NDC1: variants seen among roughly 807,000 people sequenced by gnomAD.
NDC1 encodes the protein NDC1 transmembrane nucleoporin.
Under a neutral mutation model 89.8 loss-of-function variants are expected in NDC1, and 24 were observed. The ratio of observed to expected loss-of-function variants is 0.27; its 90% CI spans 0.19 to 0.38. The LOEUF (loss-of-function observed/expected upper bound fraction) is 0.38, where lower values mean the gene tolerates loss of function less well. NDC1 is among the 10% of genes least tolerant of loss of function. The pLI is 1.00. For missense variants in NDC1, 728 were observed against 797.6 expected, an observed-to-expected ratio of 0.91 and a Z score of 1.05; for synonymous variants, 296 against 284.8, an observed-to-expected ratio of 1.04 and a Z score of -0.39.
At chr1:53,791,768 G>C (rs1156628776) in intron 14 of NDC1, among the ~76,000 whole-genome samples, 1 of 152,158 alleles carries the variant, frequency 6.6e-6, no homozygotes, top group African/African-American at 2.4e-5. Flanking sequence ...GCCACTTACT[G>C]TCTCTGTGCC....
chr1:53,778,260 T>TAC (rs202023880), intron 16 of NDC1, among the ~76,000 whole-genome samples: 37,807 of 144,570 alleles, frequency 0.26, 4,717 homozygotes, highest in Admixed American at 0.35. Context: ...TGTGTGTATA[T>TAC]ACACACACAC....
At chr1:53,793,771 TG>T (rs1053200837) in intron 13 of NDC1, among the ~76,000 whole-genome samples, 1 of 151,960 alleles carries the variant, frequency 6.6e-6, no homozygotes, top group Non-Finnish European at 1.5e-5. Context: ...TAAATGTTTT[TG>T]TACAGACAGG....
intron 1 of NDC1, among the ~76,000 whole-genome samples, chr1:53,836,619 C>G (rs1206277889): frequency 6.6e-6 from 1 of 152,074 alleles, no homozygotes; most frequent in Non-Finnish European, 1.5e-5. Context: ...CCTCAGCCAC[C>G]TGAGTAGCTG....
chr1:53,783,783 A>C (rs1647242647), intron 16 of NDC1, among the ~76,000 whole-genome samples: 1 of 152,186 alleles, frequency 6.6e-6, no homozygotes, highest in African/African-American at 2.4e-5. Flanking sequence ...ATTCCGCAAG[A>C]AGGCCCTTAC....
intron 6 of NDC1, 119 bp from the exon 7 acceptor site, chr1:53,809,865 T>C: frequency 1.4e-6 from 1 of 710,208 alleles, no homozygotes; most frequent in Admixed American, 2.3e-5. Flanking sequence ...AGTCAAAATG[T>C]TAGACTTATT....
chr1:53,827,692 C>T (rs1648916397), intron 4 of NDC1, among the ~76,000 whole-genome samples: 1 of 152,220 alleles, frequency 6.6e-6, no homozygotes, highest in African/African-American at 2.4e-5. Flanking sequence ...GTCTGCACAT[C>T]TCACTTTCTT....
At chr1:53,772,184 C>T in intron 17 of NDC1, 145 bp downstream of exon 17, 1 of 651,774 alleles carries the variant, frequency 1.5e-6, no homozygotes, top group Non-Finnish European at 2.5e-6. Flanking sequence ...ATATTAAGTC[C>T]ACATCCAAGC....
At chr1:53,817,582 A>G (rs373411011) in intron 6 of NDC1, among the ~76,000 whole-genome samples, 1 of 152,174 alleles carries the variant, frequency 6.6e-6, no homozygotes, top group African/African-American at 2.4e-5. Flanking sequence ...AATTACCACT[A>G]AAGAATTTAC....
At chr1:53,799,713 A>G (rs1026196642) in intron 11 of NDC1, among the ~76,000 whole-genome samples, 1 of 152,172 alleles carries the variant, frequency 6.6e-6, no homozygotes, top group African/African-American at 2.4e-5. Flanking sequence ...CCTTCAGAGG[A>G]AGCCTGTGCT....
chr1:53,794,033 T>C (rs114149431), intron 13 of NDC1, among the ~76,000 whole-genome samples: 1,846 of 152,110 alleles, frequency 0.012, 40 homozygotes, highest in African/African-American at 0.042. Context: ...TGGAGTGCAG[T>C]GGCACATTCA....
In NDC1 at chr1:53,794,799, C is replaced by T. The variant is rs113315574; in HGVS notation, c.1585-1520G>A. Among the ~76,000 whole-genome samples the T allele has an allele frequency of 3.4e-3, 517 of 152,108 alleles. 3 individuals carry two copies. Among genetic ancestry groups the T allele is most frequent in the African/African-American group, 0.012 (486 of 41,508 alleles). ...CTGAGGTGGGAGGATCACTTGAGCC[C>T]GGGAGTTCAAGGCTGCAGTGTAGCC... On this transcript the variant is annotated intron_variant, in intron 13 of 17. Coordinates refer to ENST00000371429, the MANE Select transcript of NDC1 (RefSeq NM_018087.5).
At chr1:53,775,839 T>C (rs941319488) in intron 16 of NDC1, among the ~76,000 whole-genome samples, 46 of 152,302 alleles carry the variant, frequency 3.0e-4, no homozygotes, top group African/African-American at 1.1e-3. Flanking sequence ...ACTTACTAGA[T>C]AAGCATACCA....
chr1:53,832,499 A>T lies in NDC1; in HGVS notation c.271T>A (p.Phe91Ile), dbSNP rs755012639. Residue 91 changes from phenylalanine to isoleucine, a missense_variant, in exon 3 of 18, where the codon TTC becomes ATC. Coordinates refer to ENST00000371429, the MANE Select transcript of NDC1 (RefSeq NM_018087.5). ...ACATTTGAAAACTCACCTGCATAGA[A>T]CTCCACATTGAAAATACTTATTATT... ...IIIISIFNVE[F>I]YAVVPSIPCS... 4.5e-6 allele frequency: 7 copies of T among 1,555,236 alleles called. No individual in the cohort carries two copies. The highest frequency in any genetic ancestry group is 6.2e-6 in the Non-Finnish European group (7 of 1,127,958).
At chr1:53,784,915 G>A (rs1267486165) in intron 16 of NDC1, among the ~76,000 whole-genome samples, 2 of 150,624 alleles carry the variant, frequency 1.3e-5, no homozygotes, top group Admixed American at 1.3e-4. Context: ...CTGAGATCAC[G>A]CCACTGCACT....
rs936671979 is a variant in NDC1 at position 53,809,442 on chromosome 1, C to G, written c.755+253G>C. ...TTATAGCTCACCGCATCCTTGAACTCCTGGGCTCAAGCGATCCTCCTGCCT... is the reference window on the plus strand; with the variant it reads ...TTATAGCTCACCGCATCCTTGAACTGCTGGGCTCAAGCGATCCTCCTGCCT... On this transcript the variant is annotated intron_variant, in intron 7 of 17. Coordinates refer to ENST00000371429, the MANE Select transcript of NDC1 (RefSeq NM_018087.5). 2.0e-5 allele frequency among the ~76,000 whole-genome samples: 3 copies of G among 152,236 alleles called. No individual in the cohort carries two copies. In the South Asian group the frequency reaches 6.2e-4, roughly 32 times the overall value.
At position 53,806,061 on chromosome 1, in the gene NDC1, G is replaced by A. The variant is rs554213465; in HGVS notation, c.984+364C>T. Among the ~76,000 whole-genome samples, 59 of 151,682 alleles carry A rather than the reference G, an allele frequency of 3.9e-4. No individual in the cohort carries two copies. The South Asian group carries it at 5.0e-3, about 13-fold the overall frequency. ...TGCACTCCAGCCTGGGCGACAGAGC[G>A]AGACTCCGTCTCAAAAAAAAAAAAT... is the stretch of plus-strand genomic sequence containing the variant. On this transcript the variant is annotated intron_variant, in intron 9 of 17. Transcript: ENST00000371429.
At chr1:53,794,158 T>G (rs1647617634) in intron 13 of NDC1, among the ~76,000 whole-genome samples, 1 of 152,028 alleles carries the variant, frequency 6.6e-6, no homozygotes, top group South Asian at 2.1e-4. Context: ...GTATTTTTAG[T>G]AGAGATGGGG....
At chr1:53,830,761 C>G (rs1649033492) in intron 3 of NDC1, among the ~76,000 whole-genome samples, 1 of 151,578 alleles carries the variant, frequency 6.6e-6, no homozygotes, top group Non-Finnish European at 1.5e-5. Context: ...ACTCAGGAGG[C>G]TGAGGTAGGA....
intron 14 of NDC1, 126 bp downstream of exon 14, chr1:53,793,103 T>C: frequency 1.2e-6 from 1 of 818,534 alleles, no homozygotes; most frequent in Non-Finnish European, 2.0e-6. Flanking sequence ...TGAAGCACTA[T>C]GCAAAGCTGC....
Sources: allele counts gnomAD v4.1 joint callset (sites outside exome capture counted in the v4.1 genomes callset), GRCh38; gene constraint gnomAD v4.1.1; transcripts MANE v1.5; gene names NCBI Gene and HGNC (gene_info 2026-07-23, HGNC 2026-07-21).